MYO5C: variants seen among roughly 807,000 people sequenced by gnomAD.
The protein encoded by MYO5C is unconventional myosin-Vc.
Under a neutral mutation model 235.7 loss-of-function variants are expected in MYO5C, and 194 were observed. The observed-to-expected ratio is 0.82, with a 90% confidence interval of 0.73 to 0.93. MYO5C has a LOEUF of 0.93. Ranked by LOEUF, MYO5C falls within the 40% of genes least tolerant of loss-of-function variation. The pLI, the probability that MYO5C is intolerant of heterozygous loss-of-function variation, is 0.00. For missense variants in MYO5C, 2,038 were observed against 2,127.2 expected (o/e 0.96, Z 0.82); for synonymous variants, 707 against 754.8 (o/e 0.94, Z 1.04).
chr15:52,208,523 AC>A, intron 36 of MYO5C, 30 bp downstream of exon 36: 1 of 1,605,604 alleles, frequency 6.2e-7, no homozygotes. Context: ...GGCTGTCAGC[AC>A]AAAACAACAA....
chr15:52,252,391 G>T (rs568558059), intron 12 of MYO5C, among the ~76,000 whole-genome samples: 1 of 151,420 alleles, frequency 6.6e-6, no homozygotes, highest in African/African-American at 2.4e-5. Flanking sequence ...TGAAATAAGG[G>T]CATACCTCCT....
intron 33 of MYO5C, among the ~76,000 whole-genome samples, chr15:52,214,016 T>C (rs898649879): frequency 1.3e-5 from 2 of 152,046 alleles, no homozygotes; most frequent in East Asian, 3.9e-4. Flanking sequence ...AGAAACAAGA[T>C]ACAGCCTTGG....
intron 11 of MYO5C, among the ~76,000 whole-genome samples, chr15:52,255,893 A>G (rs927414503): frequency 1.3e-5 from 2 of 152,180 alleles, no homozygotes; most frequent in African/African-American, 4.8e-5. Context: ...GAAAAAAAAA[A>G]TTGGAATCCA....
At chr15:52,200,548 AAAT>A (rs34281585) in intron 38 of MYO5C, among the ~76,000 whole-genome samples, 12 of 150,992 alleles carry the variant, frequency 7.9e-5, no homozygotes, top group African/African-American at 1.5e-4. Flanking sequence ...TTGGGTAACT[AAAT>A]AATAATAATA....
intron 38 of MYO5C, among the ~76,000 whole-genome samples, chr15:52,201,954 G>T (rs1011507644): frequency 6.8e-6 from 1 of 147,496 alleles, no homozygotes; most frequent in African/African-American, 2.5e-5. Context: ...TTTAGAAAGG[G>T]ATACTAAAAA....
intron 35 of MYO5C, among the ~76,000 whole-genome samples, chr15:52,209,653 A>G (rs74940475): frequency 0.016 from 2,455 of 152,294 alleles, 104 homozygotes; most frequent in South Asian, 0.15. Context: ...CAGAGCATCA[A>G]GGGGAAGCAA....
Position 52,250,248 on chromosome 15 carries a change from CTT to C in MYO5C, c.1662+1140_1662+1141del, listed in dbSNP as rs71823639. Among the ~76,000 whole-genome samples the C allele has an allele frequency of 7.3e-3, 302 of 41,196 alleles. 8 individuals carry two copies. The highest frequency in any genetic ancestry group is 0.035 in the South Asian group (51 of 1,458). 27.0% of individuals were successfully genotyped at this position (41,196 alleles called of 152,430 possible). A position where few individuals can be genotyped will look rare whatever the true frequency, so the allele number is the denominator to read the frequency against. On this transcript the variant is annotated intron_variant, in intron 13 of 40. Coordinates refer to ENST00000261839, the MANE Select transcript of MYO5C (RefSeq NM_018728.4). ...ATCTTTTTTTTTTCTTTTTCTTTTT[CTT>C]TTTTTTTTTTGAGACAGGGTCTCAC...
intron 20 of MYO5C, among the ~76,000 whole-genome samples, chr15:52,241,010 A>AT (rs1012968857): frequency 6.6e-6 from 1 of 151,940 alleles, no homozygotes; most frequent in African/African-American, 2.4e-5. Context: ...AAAGAAAATT[A>AT]TTTTTTTGCC....
chr15:52,284,363 C>T (rs965649035), intron 1 of MYO5C, among the ~76,000 whole-genome samples: 12 of 151,980 alleles, frequency 7.9e-5, no homozygotes, highest in Admixed American at 7.9e-4. Flanking sequence ...TATGTGAGTC[C>T]CTTCAAATCA....
rs1004933210 is a variant in MYO5C at position 52,279,185 on chromosome 15, G to A, written c.305-168C>T. Among the ~76,000 whole-genome samples the A allele has an allele frequency of 8.6e-5, 13 of 151,890 alleles. 1 individual carries two copies. The highest frequency in any genetic ancestry group is 7.9e-4 in the Admixed American group (12 of 15,250). On this transcript the variant is annotated intron_variant, in intron 3 of 40. Transcript: ENST00000261839. Reference sequence around the variant, plus strand: ...TTCCCTGCCAGTCACCTACACCCTCGGGCTGTTCTGACGGTTGGTTGACAG... The same window carrying A: ...TTCCCTGCCAGTCACCTACACCCTCAGGCTGTTCTGACGGTTGGTTGACAG...
intron 14 of MYO5C, among the ~76,000 whole-genome samples, chr15:52,248,270 A>G (rs1371320887): frequency 6.6e-6 from 1 of 151,922 alleles, no homozygotes; most frequent in Non-Finnish European, 1.5e-5. Flanking sequence ...CAGCCTCCCA[A>G]GTAGCTGGGA....
At chr15:52,222,889 C>T (rs930693531) in intron 29 of MYO5C, among the ~76,000 whole-genome samples, 1 of 152,142 alleles carries the variant, frequency 6.6e-6, no homozygotes, top group Non-Finnish European at 1.5e-5. Flanking sequence ...GAAGGCCGGG[C>T]ACGGTGGCTT....
chr15:52,253,694 G>T (rs952981060), intron 11 of MYO5C, among the ~76,000 whole-genome samples: 1 of 152,174 alleles, frequency 6.6e-6, no homozygotes, highest in African/African-American at 2.4e-5. Context: ...CTAGGACATG[G>T]CTTGGGCCAG....
At chr15:52,255,126 G>C (rs532212220) in intron 11 of MYO5C, among the ~76,000 whole-genome samples, 2 of 151,886 alleles carry the variant, frequency 1.3e-5, no homozygotes, top group African/African-American at 4.8e-5. Context: ...ACATAGTTTT[G>C]TGGTACATGT....
chr15:52,293,780 A>C (rs2037444210), intron 1 of MYO5C, among the ~76,000 whole-genome samples: 1 of 152,138 alleles, frequency 6.6e-6, no homozygotes, highest in African/African-American at 2.4e-5. Flanking sequence ...CCACAGCCCA[A>C]GGGCGCTGCT....
At chr15:52,254,084 C>T (rs1182780729) in intron 11 of MYO5C, among the ~76,000 whole-genome samples, 1 of 152,170 alleles carries the variant, frequency 6.6e-6, no homozygotes, top group Non-Finnish European at 1.5e-5. Flanking sequence ...GCTTGAGAAA[C>T]GCACCTCAAG....
chr15:52,211,098 C>A (rs1305169075), intron 35 of MYO5C, among the ~76,000 whole-genome samples: 1 of 152,196 alleles, frequency 6.6e-6, no homozygotes, highest in African/African-American at 2.4e-5. Flanking sequence ...GAATGGCCAA[C>A]AGCAAGTTGG....
At chr15:52,216,004 C>T (rs985885464) in intron 32 of MYO5C, among the ~76,000 whole-genome samples, 3 of 152,016 alleles carry the variant, frequency 2.0e-5, no homozygotes, top group Admixed American at 2.0e-4. Flanking sequence ...AAATCTCGTC[C>T]ACATGTTCAA....
At chr15:52,232,566 T>A in intron 24 of MYO5C, 56 bp downstream of exon 24, 1 of 1,543,204 alleles carries the variant, frequency 6.5e-7, no homozygotes, top group Non-Finnish European at 9.0e-7. Flanking sequence ...ATGGAAAATA[T>A]AAAACAGCAC....
Sources: gnomAD v4.1 joint callset for allele counts (sites outside exome capture counted in the v4.1 genomes callset) on GRCh38, gnomAD v4.1.1 for gene constraint, MANE v1.5 for transcripts, NCBI Gene and HGNC (gene_info 2026-07-23, HGNC 2026-07-21) for gene names.